FBXO11: variants seen among roughly 807,000 people sequenced by gnomAD.
FBXO11 encodes F-box only protein 11.
FBXO11 carries 13 observed loss-of-function variants against 117.0 expected under a neutral mutation model. The observed-to-expected ratio is 0.11, with a 90% CI of 0.07 to 0.18. The LOEUF is 0.18. FBXO11 is among the 10% of genes least tolerant of loss of function. The pLI, the probability that FBXO11 is intolerant of heterozygous loss-of-function variation, is 1.00. For synonymous variants in FBXO11, 490 were observed against 380.5 expected (o/e 1.29, Z -3.35); for missense variants, 767 against 1,164.4 (o/e 0.66, Z 4.97).
At chr2:47,881,376 A>G (rs1413050507) in intron 1 of FBXO11, among the ~76,000 whole-genome samples, 2 of 152,182 alleles carry the variant, frequency 1.3e-5, no homozygotes, top group East Asian at 1.9e-4. Context: ...AGTTCTTTCA[A>G]TATCTAGGAA....
At chr2:47,876,372 T>C (rs6728843) in intron 1 of FBXO11, among the ~76,000 whole-genome samples, 24,095 of 152,166 alleles carry the variant, frequency 0.16, 2,065 homozygotes, top group South Asian at 0.29. Flanking sequence ...TATTATTTTT[T>C]GCAATTCCTC....
At chr2:47,820,871 C>G (rs937394534) in intron 13 of FBXO11, among the ~76,000 whole-genome samples, 1 of 152,166 alleles carries the variant, frequency 6.6e-6, no homozygotes, top group Non-Finnish European at 1.5e-5. Context: ...CTTAGTAAAG[C>G]TTTATGTAAG....
intron 1 of FBXO11, among the ~76,000 whole-genome samples, chr2:47,898,900 C>G (rs1397018542): frequency 1.3e-5 from 2 of 151,844 alleles, no homozygotes; most frequent in Non-Finnish European, 2.9e-5. Flanking sequence ...TTGCTACTTA[C>G]TATGCATCTT....
At chr2:47,902,586 C>A (rs908854551) in intron 1 of FBXO11, among the ~76,000 whole-genome samples, 4 of 152,074 alleles carry the variant, frequency 2.6e-5, no homozygotes, top group African/African-American at 9.7e-5. Context: ...CACACATACA[C>A]ATACACACGT....
chr2:47,895,848 A>C (rs1050715361), intron 1 of FBXO11, among the ~76,000 whole-genome samples: 15 of 152,092 alleles, frequency 9.9e-5, no homozygotes, highest in African/African-American at 3.4e-4. Flanking sequence ...ATCTGCCACC[A>C]TACCCAGCTA....
chr2:47,846,660 C>T (rs536459953), intron 1 of FBXO11, among the ~76,000 whole-genome samples: 1 of 151,954 alleles, frequency 6.6e-6, no homozygotes, highest in South Asian at 2.1e-4. Context: ...AAATAGAACG[C>T]AATCCACATA....
chr2:47,854,878 G>A (rs1348386674), intron 1 of FBXO11, among the ~76,000 whole-genome samples: 1 of 149,476 alleles, frequency 6.7e-6, no homozygotes, highest in African/African-American at 2.5e-5. Flanking sequence ...TTTTTTTAGT[G>A]GAAAAATTTC....
intron 1 of FBXO11, among the ~76,000 whole-genome samples, chr2:47,867,696 G>C (rs1675297390): frequency 6.6e-6 from 1 of 151,988 alleles, no homozygotes; most frequent in African/African-American, 2.4e-5. Flanking sequence ...CCAGATTCCA[G>C]GGGAATCTAT....
intron 1 of FBXO11, among the ~76,000 whole-genome samples, chr2:47,862,438 CTG>C (rs1674849712): frequency 1.3e-5 from 2 of 152,130 alleles, no homozygotes; most frequent in South Asian, 4.1e-4. Context: ...AAAATCTAAT[CTG>C]TGAGGCAAAC....
intron 1 of FBXO11, among the ~76,000 whole-genome samples, chr2:47,877,588 G>A (rs1030167580): frequency 6.6e-6 from 1 of 152,108 alleles, no homozygotes; most frequent in Non-Finnish European, 1.5e-5. Flanking sequence ...AAGTTGCATG[G>A]TGTGTGTGTA....
chr2:47,825,027 T>G (rs1047797221), intron 11 of FBXO11, among the ~76,000 whole-genome samples: 1 of 152,196 alleles, frequency 6.6e-6, no homozygotes, highest in Non-Finnish European at 1.5e-5. Flanking sequence ...TCTGGACTAT[T>G]CTAACTTCTG....
rs575690029 is a variant in FBXO11, at chr2:47,854,329, C to G, written c.233-14560G>C. On this transcript the variant is annotated intron_variant, in intron 1 of 22. Coordinates refer to ENST00000403359, the MANE Select transcript of FBXO11 (RefSeq NM_001190274.2). ...TCCCTACTGCTTAGAACACCCCTTTCTTTTCTCTCTACTTAATGTTTACTG... is the reference window on the plus strand; with the variant it reads ...TCCCTACTGCTTAGAACACCCCTTTGTTTTCTCTCTACTTAATGTTTACTG... Among the ~76,000 whole-genome samples the G allele has an allele frequency of 1.4e-4, 21 of 150,924 alleles. No individual in the cohort carries two copies. The South Asian group carries it at 4.4e-3, about 32-fold the overall frequency.
chr2:47,871,999 G>T (rs984744440), intron 1 of FBXO11, among the ~76,000 whole-genome samples: 5 of 152,080 alleles, frequency 3.3e-5, no homozygotes, highest in Admixed American at 2.0e-4. Context: ...CTCCAGTTCT[G>T]ACTTCACAAA....
chr2:47,876,454 GCTCT>G (rs1676013352), intron 1 of FBXO11, among the ~76,000 whole-genome samples: 2 of 152,166 alleles, frequency 1.3e-5, no homozygotes, highest in Admixed American at 1.3e-4. Context: ...TAAGTGAGGA[GCTCT>G]CTATTTTGTG....
chr2:47,875,973 T>C (rs545511085), intron 1 of FBXO11, among the ~76,000 whole-genome samples: 1 of 152,346 alleles, frequency 6.6e-6, no homozygotes, highest in African/African-American at 2.4e-5. Context: ...TGGCTTTATA[T>C]GTATTTCACT....
At chr2:47,873,795 T>C (rs1366542454) in intron 1 of FBXO11, among the ~76,000 whole-genome samples, 1 of 152,224 alleles carries the variant, frequency 6.6e-6, no homozygotes, top group East Asian at 1.9e-4. Flanking sequence ...TACTGTAACA[T>C]GATTTCAATT....
chr2:47,826,877 T>C lies in FBXO11; in HGVS notation c.1399-3517A>G, dbSNP rs369456992. 1.8e-4 allele frequency among the ~76,000 whole-genome samples: 27 copies of C among 152,276 alleles called. No individual in the cohort carries two copies. The East Asian group carries it at 4.3e-3, about 24-fold the overall frequency. ...GCCTCCCAAGTTCAAGCGATTCTCC[T>C]GCATCATCTCCTATAAATCACCTCT... On this transcript the variant is annotated intron_variant, in intron 11 of 22. Coordinates refer to ENST00000403359, the MANE Select transcript of FBXO11 (RefSeq NM_001190274.2).
chr2:47,839,974 C>T (rs1459363748), intron 1 of FBXO11, among the ~76,000 whole-genome samples: 4 of 151,070 alleles, frequency 2.6e-5, no homozygotes, highest in African/African-American at 7.3e-5. Context: ...GACAGAGTCT[C>T]GCTCTGTCGC....
chr2:47,856,414 A>C (rs1342543600), intron 1 of FBXO11, among the ~76,000 whole-genome samples: 1 of 152,264 alleles, frequency 6.6e-6, no homozygotes. Flanking sequence ...AACAAAGAGA[A>C]GGAATCCCAT....
Sources: allele counts gnomAD v4.1 joint callset (sites outside exome capture counted in the v4.1 genomes callset), GRCh38; gene constraint gnomAD v4.1.1; transcripts MANE v1.5; gene names NCBI Gene and HGNC (gene_info 2026-07-23, HGNC 2026-07-21).